Variants in RPRD2 observed in about 807,000 individuals in gnomAD.
RPRD2 encodes the protein regulation of nuclear pre-mRNA domain-containing protein 2.
Under a neutral mutation model 104.4 loss-of-function variants are expected in RPRD2, and 12 were observed. The observed-to-expected ratio is 0.11, with a 90% CI of 0.07 to 0.19. The LOEUF is 0.19. RPRD2 is among the 10% of genes least tolerant of loss of function. The pLI is 1.00. For missense variants in RPRD2, 1,543 were observed against 1,790.1 expected (o/e 0.86, Z 2.49); for synonymous variants, 714 against 684.9 (o/e 1.04, Z -0.66).
intron 2 of RPRD2, among the ~76,000 whole-genome samples, chr1:150,436,761 C>G (rs1023891087): frequency 6.6e-6 from 1 of 151,892 alleles, no homozygotes; most frequent in Non-Finnish European, 1.5e-5. Flanking sequence ...AAAAATTAGC[C>G]AGGCATGGTG....
intron 2 of RPRD2, among the ~76,000 whole-genome samples, chr1:150,424,435 G>GCGCC (rs1664974254): frequency 6.6e-6 from 1 of 152,086 alleles, no homozygotes; most frequent in Admixed American, 6.6e-5. Flanking sequence ...TTACAGGCGA[G>GCGCC]CGCCACCATG....
chr1:150,467,397 G>A (rs1378608864), intron 10 of RPRD2, among the ~76,000 whole-genome samples: 36 of 151,960 alleles, frequency 2.4e-4, no homozygotes, highest in South Asian at 2.1e-3. Context: ...TTTTTGAGAC[G>A]GGGACTTGCT....
At chr1:150,382,694 G>T (rs1661226643) in intron 1 of RPRD2, among the ~76,000 whole-genome samples, 1 of 152,010 alleles carries the variant, frequency 6.6e-6, no homozygotes, top group African/African-American at 2.4e-5. Flanking sequence ...CATCTTGTTG[G>T]GTGCGGTGGT....
chr1:150,383,893 T>G (rs1331532940), intron 1 of RPRD2, among the ~76,000 whole-genome samples: 1 of 152,154 alleles, frequency 6.6e-6, no homozygotes, highest in African/African-American at 2.4e-5. Context: ...TGTGATAAGA[T>G]ATGGAGAAAA....
chr1:150,445,798 G>A (rs1469645621), intron 6 of RPRD2, among the ~76,000 whole-genome samples: 3 of 152,138 alleles, frequency 2.0e-5, no homozygotes, highest in Non-Finnish European at 4.4e-5. Context: ...GCCGGGCACG[G>A]TGGCTCACAA....
At position 150,411,416 on chromosome 1, in the gene RPRD2, G is replaced by A. The variant is rs587693930; in HGVS notation, c.206-6180G>A. Reference sequence around the variant, plus strand: ...GCGGAGGTTGCAGTGAGCCGAGATCGCGCCACTGCACTCTAGCCTGGACAA... The same window carrying A: ...GCGGAGGTTGCAGTGAGCCGAGATCACGCCACTGCACTCTAGCCTGGACAA... On this transcript the variant is annotated intron_variant, in intron 1 of 10. Coordinates refer to ENST00000369068, the MANE Select transcript of RPRD2 (RefSeq NM_015203.5). 5.0e-5 allele frequency among the ~76,000 whole-genome samples: 7 copies of A among 138,770 alleles called. No individual in the cohort carries two copies. The East Asian group carries it at 1.0e-3, about 20-fold the overall frequency. The allele number at this position is 138,770 out of a possible 152,430, so 91.0% of individuals were successfully genotyped here. A position where few individuals can be genotyped will look rare whatever the true frequency, so the allele number is the denominator to read the frequency against.
intron 1 of RPRD2, among the ~76,000 whole-genome samples, chr1:150,408,158 ATTTTTTTTTT>A (rs10684924): frequency 2.1e-5 from 2 of 95,096 alleles, no homozygotes; most frequent in African/African-American, 4.7e-5. Context: ...TATTCATATG[ATTTTTTTTTT>A]TTTTTTTTTT....
intron 1 of RPRD2, among the ~76,000 whole-genome samples, chr1:150,410,945 C>G (rs1208648073): frequency 1.3e-5 from 2 of 152,148 alleles, no homozygotes; most frequent in African/African-American, 2.4e-5. Flanking sequence ...TCATTGCACC[C>G]TCAGCCTCGC....
In RPRD2 at chr1:150,475,816, G is replaced by A. The variant is rs759653655; in HGVS notation, c.*2482G>A. 2.0e-5 allele frequency: 3 copies of A among 152,208 alleles called. No individual in the cohort carries two copies. Among genetic ancestry groups the A allele is most frequent in the Non-Finnish European group, 4.4e-5 (3 of 68,030 alleles). The allele number at this position is 152,208 out of a possible 1,614,324, so 9.4% of individuals were successfully genotyped here. A position where few individuals can be genotyped will look rare whatever the true frequency, so the allele number is the denominator to read the frequency against. Reference sequence around the variant, plus strand: ...TTCTGTGTCTGTGATTTAAAACTCCGTGACCATGCTCTGACTTTTGTATTT... The same window carrying A: ...TTCTGTGTCTGTGATTTAAAACTCCATGACCATGCTCTGACTTTTGTATTT... On this transcript the variant is annotated 3_prime_UTR_variant, in exon 11 of 11. Transcript: ENST00000369068.
At chr1:150,459,720 G>A (rs1341664220) in intron 8 of RPRD2, among the ~76,000 whole-genome samples, 1 of 151,696 alleles carries the variant, frequency 6.6e-6, no homozygotes, top group Non-Finnish European at 1.5e-5. Flanking sequence ...AGCCTCTGTA[G>A]TAGCTGGGAT....
At position 150,471,269 on chromosome 1, in the gene RPRD2, G is replaced by A. The variant is rs1447812002; in HGVS notation, c.2321G>A (p.Arg774Lys). ...PSSTRSPPPGRDESYPRELSN... is the reference protein window; with the variant it reads ...PSSTRSPPPGKDESYPRELSN... ...AGTACAAGATCACCACCCCCTGGGAGAGATGAAAGCTACCCCCGAGAGCTC... is the reference window on the plus strand; with the variant it reads ...AGTACAAGATCACCACCCCCTGGGAAAGATGAAAGCTACCCCCGAGAGCTC... The change falls in exon 11 of 11, where the codon AGA becomes AAA. Residue 774 changes from arginine (R) to lysine (K), a missense_variant. Around this residue, in one of 4 missense-constraint regions of RPRD2, gnomAD observed 880 missense variants for 885.6 expected, o/e 0.99. Transcript: ENST00000369068. This position sits in a 1 kb window ranked among gnomAD's most constrained non-coding sequence, Gnocchi z 5.3. 4 of 1,613,642 alleles carry A rather than the reference G, an allele frequency of 2.5e-6. No homozygotes were observed. The highest frequency in any genetic ancestry group is 1.1e-5 in the South Asian group (1 of 91,016).
intron 1 of RPRD2, among the ~76,000 whole-genome samples, chr1:150,415,263 C>T (rs1245449908): frequency 2.6e-5 from 4 of 152,000 alleles, no homozygotes; most frequent in East Asian, 3.9e-4. Context: ...ACCCGTGAGG[C>T]GGAGGTTGCA....
At chr1:150,414,196 A>G (rs1424819435) in intron 1 of RPRD2, among the ~76,000 whole-genome samples, 2 of 152,190 alleles carry the variant, frequency 1.3e-5, no homozygotes, top group Non-Finnish European at 2.9e-5. Flanking sequence ...ATTGATACAT[A>G]GGTTGAAGTA....
At chr1:150,425,366 G>A (rs1665050207) in intron 2 of RPRD2, among the ~76,000 whole-genome samples, 3 of 152,048 alleles carry the variant, frequency 2.0e-5, no homozygotes, top group African/African-American at 7.2e-5. Flanking sequence ...ATTTCTGGCC[G>A]GGTGAGGTGG....
intron 2 of RPRD2, among the ~76,000 whole-genome samples, chr1:150,438,181 T>C (rs782539118): frequency 4.6e-4 from 70 of 151,860 alleles, no homozygotes; most frequent in Non-Finnish European, 8.8e-4. Flanking sequence ...TCCCAGCCAC[T>C]TGGGAAGCTG....
intron 2 of RPRD2, among the ~76,000 whole-genome samples, chr1:150,418,463 A>G (rs1553889019): frequency 6.6e-6 from 1 of 152,050 alleles, no homozygotes; most frequent in East Asian, 1.9e-4. Flanking sequence ...CCTCCATGAA[A>G]TCTGTAAAGA....
At chr1:150,461,253 A>C (rs1667913572) in intron 9 of RPRD2, among the ~76,000 whole-genome samples, 1 of 151,650 alleles carries the variant, frequency 6.6e-6, no homozygotes, top group African/African-American at 2.4e-5. Context: ...AAATGAAAAA[A>C]ATTTTTTAAT....
intron 1 of RPRD2, among the ~76,000 whole-genome samples, chr1:150,392,434 G>A (rs1006417099): frequency 2.6e-5 from 4 of 152,206 alleles, no homozygotes; most frequent in Non-Finnish European, 5.9e-5. Flanking sequence ...GAACCCAGGA[G>A]GCGAAGGCTG....
chr1:150,420,141 A>G (rs1213287149), intron 2 of RPRD2, among the ~76,000 whole-genome samples: 1 of 152,216 alleles, frequency 6.6e-6, no homozygotes, highest in African/African-American at 2.4e-5. Flanking sequence ...ACAATACACC[A>G]GAGTTTCTGC....
Sources: gnomAD v4.1 joint callset for allele counts (sites outside exome capture counted in the v4.1 genomes callset) on GRCh38, gnomAD v4.1.1 for gene constraint, gnomAD v4.1.1 regional missense constraint, Gnocchi (gnomAD v3.1) non-coding constraint, MANE v1.5 for transcripts, NCBI Gene and HGNC (gene_info 2026-07-23, HGNC 2026-07-21) for gene names.